The following TRPM6 variants were observed in gnomAD, a reference collection of about 807,000 sequenced individuals.
TRPM6 encodes channel kinase 2.
In TRPM6, 111 loss-of-function variants were observed where a neutral mutation model predicts 247.6. That is an observed-to-expected ratio of 0.45 (90% CI 0.38 to 0.52). The LOEUF (loss-of-function observed/expected upper bound fraction) is 0.52, where lower values mean the gene tolerates loss of function less well. Among genes scored for constraint, TRPM6 ranks in the 20% least tolerant of loss-of-function variants. The pLI is 0.00. For missense variants in TRPM6, 2,126 were observed against 2,421.5 expected (o/e 0.88, Z 2.56); for synonymous variants, 892 against 853.8 (o/e 1.04, Z -0.78).
intron 38 of TRPM6, among the ~76,000 whole-genome samples, chr9:74,725,506 A>T (rs918037378): frequency 5.3e-5 from 8 of 152,200 alleles, no homozygotes; most frequent in South Asian, 2.1e-4. Context: ...TTCATCTTGA[A>T]TTGTAACTCC....
intron 14 of TRPM6, among the ~76,000 whole-genome samples, chr9:74,806,357 C>T (rs1263863681): frequency 6.6e-6 from 1 of 151,958 alleles, no homozygotes; most frequent in African/African-American, 2.4e-5. Flanking sequence ...AATTCCTGGG[C>T]TCAAGCAATC....
At chr9:74,864,059 T>G (rs1830772692) in intron 1 of TRPM6, among the ~76,000 whole-genome samples, 1 of 152,200 alleles carries the variant, frequency 6.6e-6, no homozygotes, top group African/African-American at 2.4e-5. Context: ...TTTGATTTCC[T>G]GCATTCTCTC....
chr9:74,872,177 G>A (rs1208555665), intron 1 of TRPM6, among the ~76,000 whole-genome samples: 1 of 151,928 alleles, frequency 6.6e-6, no homozygotes, highest in Admixed American at 6.6e-5. Flanking sequence ...ATAGTGACAG[G>A]GTCTTGTTAT....
At chr9:74,779,224 C>T (rs747575296) in intron 23 of TRPM6, among the ~76,000 whole-genome samples, 4 of 152,120 alleles carry the variant, frequency 2.6e-5, no homozygotes, top group Non-Finnish European at 5.9e-5. Flanking sequence ...TTGCAGTGAA[C>T]TGAGATCACA....
chr9:74,824,511 GAAAAAAAAAAAAAA>G (rs59044061), intron 7 of TRPM6, among the ~76,000 whole-genome samples: 117 of 46,994 alleles, frequency 2.5e-3, no homozygotes, highest in East Asian at 7.3e-3. Context: ...GGCTTTTTCT[GAAAAAAAAAAAAAA>G]AAAAAAAAAA....
Position 74,842,283 on chromosome 9 carries a change from T to C in TRPM6, c.213A>G (p.Ser71=), listed in dbSNP as rs1416702903. The C allele has an allele frequency of 1.2e-6, 2 of 1,614,140 alleles. No individual in the cohort carries two copies. Among genetic ancestry groups the C allele is most frequent in the South Asian group, 2.2e-5 (2 of 91,082 alleles). ...GTTCACTTTCTTTACCCTTGGCAGC[T>C]GAGATGGTCCAGGAATAATCTATCC... is the stretch of plus-strand genomic sequence containing the variant. ...HAGIDYSWTI[S]AAKGKESEQW... Residue 71 remains serine (S), a synonymous_variant, in exon 4 of 39, where the codon TCA becomes TCG. Transcript: ENST00000360774.
chr9:74,866,366 G>A (rs1026402861), intron 1 of TRPM6, among the ~76,000 whole-genome samples: 4 of 152,206 alleles, frequency 2.6e-5, no homozygotes, highest in Admixed American at 2.6e-4. Context: ...AAAAGAATGA[G>A]AGAAGGCTAG....
At chr9:74,749,621 T>C (rs1290863892) in intron 30 of TRPM6, among the ~76,000 whole-genome samples, 1 of 152,208 alleles carries the variant, frequency 6.6e-6, no homozygotes, top group African/African-American at 2.4e-5. Flanking sequence ...AACTGTTACT[T>C]GCCCTGCTCA....
At chr9:74,791,086 T>C (rs1051393457) in intron 19 of TRPM6, among the ~76,000 whole-genome samples, 3 of 152,232 alleles carry the variant, frequency 2.0e-5, no homozygotes, top group African/African-American at 7.2e-5. Context: ...TTAAAGCTCC[T>C]GAACTAGAAA....
chr9:74,871,369 CAA>C (rs1051363520), intron 1 of TRPM6, among the ~76,000 whole-genome samples: 4 of 152,082 alleles, frequency 2.6e-5, no homozygotes, highest in African/African-American at 4.8e-5. Flanking sequence ...GTATATCCCC[CAA>C]AAAATTCTTA....
At chr9:74,753,212 T>C (rs1826316863) in intron 28 of TRPM6, among the ~76,000 whole-genome samples, 1 of 152,256 alleles carries the variant, frequency 6.6e-6, no homozygotes, top group South Asian at 2.1e-4. Flanking sequence ...GTTATTCTTT[T>C]TGTAGCTGGT....
chr9:74,782,140 G>A (rs535294260), intron 23 of TRPM6, among the ~76,000 whole-genome samples: 1 of 152,256 alleles, frequency 6.6e-6, no homozygotes, highest in South Asian at 2.1e-4. Context: ...CCTAGAACAA[G>A]TCCTCCACAG....
intron 8 of TRPM6, 31 bp from the exon 9 acceptor site, chr9:74,820,458 C>G: frequency 6.2e-7 from 1 of 1,613,712 alleles, no homozygotes; most frequent in Non-Finnish European, 8.5e-7. Context: ...CTTGACACAA[C>G]CCAGAGAGGG....
chr9:74,827,958 C>T lies in TRPM6; in HGVS notation c.670-9G>A. The stretch of plus-strand genomic sequence containing the variant: ...TGGTACAGGCACACCACCTGAGAGA[C>T]AGCAAGGACAAGGGAGGGTCAGAGC... On this transcript the variant is annotated splice_polypyrimidine_tract_variant and intron_variant, in intron 6 of 38. Transcript: ENST00000360774. 6.2e-7 allele frequency: 1 copy of T among 1,613,720 alleles called. No homozygotes were observed. Among genetic ancestry groups the T allele is most frequent in the Non-Finnish European group, 8.5e-7 (1 of 1,179,730 alleles).
chr9:74,884,899 T>A (rs1297770005), intron 1 of TRPM6, among the ~76,000 whole-genome samples: 5 of 152,126 alleles, frequency 3.3e-5, no homozygotes, highest in East Asian at 1.9e-4. Context: ...GGAGCCAGCA[T>A]AACAGAGATG....
At position 74,782,406 on chromosome 9, in the gene TRPM6, G is replaced by C. The variant is rs766594164; in HGVS notation, c.3165C>G (p.Phe1055Leu). Residue 1055 changes from phenylalanine to leucine, a missense_variant, in exon 23 of 39, where the codon TTC becomes TTG. This residue lies in a region of TRPM6 where 1,082 missense variants were observed against 1,307.9 expected (regional missense o/e 0.83). Transcript: ENST00000360774. ...LTPFLQAVYLFVQYIIMVNLL... is the reference protein window; with the variant it reads ...LTPFLQAVYLLVQYIIMVNLL... ...GGTTCACCATGATGATATATTGCAC[G>C]AAGAGGTAGACAGCTTGCAAGAATG... 1.2e-6 allele frequency: 2 copies of C among 1,614,036 alleles called. No homozygotes were observed. The highest frequency in any genetic ancestry group is 1.3e-5 in the African/African-American group (1 of 75,030).
At chr9:74,767,743 A>G (rs1356947958) in intron 25 of TRPM6, among the ~76,000 whole-genome samples, 2 of 152,158 alleles carry the variant, frequency 1.3e-5, no homozygotes, top group Non-Finnish European at 2.9e-5. Context: ...CTGAGGCAGA[A>G]GGGGTGCTTG....
At chr9:74,741,826 G>A (rs527737718) in intron 33 of TRPM6, among the ~76,000 whole-genome samples, 70 of 152,046 alleles carry the variant, frequency 4.6e-4, no homozygotes, top group Non-Finnish European at 9.0e-4. Context: ...GGAGGCAGAG[G>A]TTAGAGTGAG....
At position 74,822,973 on chromosome 9, in the gene TRPM6, A is replaced by G. The variant is rs1829184273; in HGVS notation, c.842-1136T>C. Among the ~76,000 whole-genome samples, 4 of 152,220 alleles carry G rather than the reference A, an allele frequency of 2.6e-5. No homozygotes were observed. In the South Asian group the frequency reaches 8.3e-4, roughly 32 times the overall value. On this transcript the variant is annotated intron_variant, in intron 7 of 38. Coordinates refer to ENST00000360774, the MANE Select transcript of TRPM6 (RefSeq NM_017662.5). ...TATGAACAGTGGAAAAGAGAAGGGA[A>G]GGTTTAGGAAAATGTTGAAAAGGGA...
Sources: gnomAD v4.1 joint callset for allele counts (sites outside exome capture counted in the v4.1 genomes callset) on GRCh38, gnomAD v4.1.1 for gene constraint, gnomAD v4.1.1 regional missense constraint, MANE v1.5 for transcripts, NCBI Gene and HGNC (gene_info 2026-07-23, HGNC 2026-07-21) for gene names.